Variants in CNPY2 observed in about 807,000 individuals in gnomAD.
CNPY2 encodes the protein protein canopy homolog 2.
In CNPY2, 19 loss-of-function variants were observed where a neutral mutation model predicts 25.5. That is an observed-to-expected ratio of 0.74 (90% CI 0.52 to 1.09). The LOEUF is 1.09. Among genes scored for constraint, CNPY2 ranks in the 50% least tolerant of loss-of-function variants. CNPY2 has a pLI of 0.00. For synonymous variants in CNPY2, 82 were observed against 85.0 expected (o/e 0.96, Z 0.19); for missense variants, 214 against 233.6 (o/e 0.92, Z 0.55).
At chr12:56,310,865 CAG>C in intron 5 of CNPY2, 91 bp downstream of exon 5, 1 of 1,165,988 alleles carries the variant, frequency 8.6e-7, no homozygotes, top group Non-Finnish European at 1.3e-6. Context: ...GACCTAATAC[CAG>C]AGGTTTCTGG....
At chr12:56,314,361 G>T in intron 3 of CNPY2, 1 of 851,734 alleles carries the variant, frequency 1.2e-6, no homozygotes, top group Non-Finnish European at 1.4e-6. Flanking sequence ...TTGTAGAGTT[G>T]GTGTTTTGCC....
Position 56,309,870 on chromosome 12 carries a change from C to A in CNPY2, c.*682G>T. 2 of 701,412 alleles carry A rather than the reference C, an allele frequency of 2.9e-6. No homozygotes were observed. Among genetic ancestry groups the A allele is most frequent in the African/African-American group, 1.7e-5 (1 of 57,354 alleles). The allele number at this position is 701,412 out of a possible 1,614,324, so 43.4% of individuals were successfully genotyped here. ...AGTGATAGATACACTTTATTGTTGC[C>A]ACTGGCATCAAATTTAAAAGCTTAG... On this transcript the variant is annotated 3_prime_UTR_variant, in exon 6 of 6. Coordinates refer to ENST00000273308, the MANE Select transcript of CNPY2 (RefSeq NM_014255.7).
Position 56,311,331 on chromosome 12 carries a change from A to C in CNPY2, c.288T>G (p.Ile96Met). ...CDRMKEYGEQ[I>M]DPSTHRKNYV... ...AGTTCTTGCGATGGGTGGAAGGATC[A>C]ATCTGTTCCCCATACTCCTTCATCC... The change falls in exon 4 of 6, where the codon ATT becomes ATG. Residue 96 changes from isoleucine (I) to methionine (M), a missense_variant. By Grantham distance (10) the Ile-to-Met change is conservative. Coordinates refer to ENST00000273308, the MANE Select transcript of CNPY2 (RefSeq NM_014255.7). 6.2e-7 allele frequency: 1 copy of C among 1,614,122 alleles called. No homozygotes were observed. The highest frequency in any genetic ancestry group is 1.6e-4 in the Middle Eastern group (1 of 6,062).
Position 56,311,020 on chromosome 12 carries a change from A to G in CNPY2, c.443T>C (p.Leu148Pro), listed in dbSNP as rs1200649398. 6.2e-7 allele frequency: 1 copy of G among 1,614,052 alleles called. No homozygotes were observed. The highest frequency in any genetic ancestry group is 8.5e-7 in the Non-Finnish European group (1 of 1,180,058). The stretch of plus-strand genomic sequence containing the variant: ...AGCCTCTCGGGAAAAGAATTCAATG[A>G]GTTCATCCTCGTATTCCTCCACAAT... ...ESIVEEYEDE[L>P]IEFFSREADN... The change falls in exon 5 of 6, where the codon CTC becomes CCC. Residue 148 changes from leucine (L) to proline (P), a missense_variant. Physicochemically the swap from Leu to Pro is moderately conservative, Grantham distance 98 (BLOSUM62 -3). Transcript: ENST00000273308.
intron 3 of CNPY2, among the ~76,000 whole-genome samples, chr12:56,314,271 A>G (rs1410466862): frequency 6.6e-6 from 1 of 152,022 alleles, no homozygotes; most frequent in African/African-American, 2.4e-5. Context: ...CCTGGGCTCA[A>G]GTGATCCTCC....
Position 56,310,796 on chromosome 12 carries a change from CAG to C in CNPY2, c.505+160_505+161del, listed in dbSNP as rs1057155134. ...AGGGGACACAAATTCTGAAAGCTGA[CAG>C]AAAATGTGGAGGAACACCCCAAGTC... On this transcript the variant is annotated intron_variant, in intron 5 of 5. Coordinates refer to ENST00000273308, the MANE Select transcript of CNPY2 (RefSeq NM_014255.7). Among the ~76,000 whole-genome samples the C allele has an allele frequency of 6.6e-4, 101 of 152,256 alleles. 1 individual carries two copies. Among genetic ancestry groups the C allele is most frequent in the African/African-American group, 2.2e-3 (90 of 41,550 alleles).
intron 2 of CNPY2, 65 bp downstream of exon 2, chr12:56,315,065 G>C: frequency 6.3e-7 from 1 of 1,597,528 alleles, no homozygotes; most frequent in South Asian, 1.1e-5. Flanking sequence ...CTTCTCCCAG[G>C]CCTTGGATCT....
rs1383211207 is a variant in CNPY2, at chr12:56,314,957, G to A, written c.98C>T (p.Ala33Val). ...TTCCCATTCTAGTTCATCCACCAGA[G>A]CCCTGCATGCTGGTGGAAGAGGAGA... ...SQDLHCGACR[A>V]LVDELEWEIA... The change falls in exon 3 of 6, where the codon GCT becomes GTT. Residue 33 changes from alanine to valine, a missense_variant. Transcript: ENST00000273308. The A allele has an allele frequency of 6.2e-7, 1 of 1,614,130 alleles. No individual in the cohort carries two copies. Among genetic ancestry groups the A allele is most frequent in the South Asian group, 1.1e-5 (1 of 91,084 alleles).
At chr12:56,311,577 G>A (rs1873718051) in intron 3 of CNPY2, 163 bp from the exon 4 acceptor site, 5 of 793,624 alleles carry the variant, frequency 6.3e-6, no homozygotes, top group Admixed American at 4.1e-5. Context: ...TTGAGATGGG[G>A]TTTTGCTCTT....
At position 56,310,472 on chromosome 12, in the gene CNPY2, A is replaced by T. The variant is rs1289553675; in HGVS notation, c.*80T>A. ...ATTTTTTCAGTTAATTTCAGTAAAA[A>T]CATAATATATAAAAGGCATTGCCAC... is the stretch of plus-strand genomic sequence containing the variant. On this transcript the variant is annotated 3_prime_UTR_variant, in exon 6 of 6. Coordinates refer to ENST00000273308, the MANE Select transcript of CNPY2 (RefSeq NM_014255.7). 2.2e-6 allele frequency: 3 copies of T among 1,389,206 alleles called. No individual in the cohort carries two copies. Among genetic ancestry groups the T allele is most frequent in the African/African-American group, 2.9e-5 (2 of 69,936 alleles). 86.1% of individuals were successfully genotyped at this position (1,389,206 alleles called of 1,614,324 possible). A position where few individuals can be genotyped will look rare whatever the true frequency, so the allele number is the denominator to read the frequency against.
rs933004575 is a variant in CNPY2, at chr12:56,309,986, A to G, written c.*566T>C. On this transcript the variant is annotated 3_prime_UTR_variant, in exon 6 of 6. Coordinates refer to ENST00000273308, the MANE Select transcript of CNPY2 (RefSeq NM_014255.7). ...CTTACTTTTCAGCTGAGTTGGTCAC[A>G]TCCATTTTCCCCTTCCTGTCTCTGT... 17 of 702,232 alleles carry G rather than the reference A, an allele frequency of 2.4e-5. No individual in the cohort carries two copies. Among genetic ancestry groups the G allele is most frequent in the Non-Finnish European group, 3.9e-5 (15 of 384,848 alleles). The allele number at this position is 702,232 out of a possible 1,614,324, so 43.5% of individuals were successfully genotyped here. A position where few individuals can be genotyped will look rare whatever the true frequency, so the allele number is the denominator to read the frequency against.
chr12:56,314,682 A>C, intron 3 of CNPY2, 169 bp downstream of exon 3: 1 of 1,464,704 alleles, frequency 6.8e-7, no homozygotes, highest in Non-Finnish European at 9.0e-7. Context: ...GCAGCCAGGA[A>C]GCAAGTGCAT....
At chr12:56,314,336 A>C (rs1873814743) in intron 3 of CNPY2, 1 of 650,742 alleles carries the variant, frequency 1.5e-6, no homozygotes, top group African/African-American at 2.0e-5. Context: ...ATGCACTGCT[A>C]ACTTTTGCAT....
At chr12:56,315,088 AG>A in intron 2 of CNPY2, 41 bp downstream of exon 2, 4 of 1,606,278 alleles carry the variant, frequency 2.5e-6, no homozygotes, top group Non-Finnish European at 2.6e-6. Flanking sequence ...TGCCCTCCCA[AG>A]GCTCTGCTTC....
rs1273469448 is a variant in CNPY2 at position 56,315,246 on chromosome 12, G to C, written c.-25-4C>G. 8 of 1,555,668 alleles carry C rather than the reference G, an allele frequency of 5.1e-6. No individual in the cohort carries two copies. The highest frequency in any genetic ancestry group is 7.1e-6 in the Non-Finnish European group (8 of 1,129,254). On this transcript the variant is annotated splice_region_variant and splice_polypyrimidine_tract_variant and intron_variant, in intron 1 of 5. Coordinates refer to ENST00000273308, the MANE Select transcript of CNPY2 (RefSeq NM_014255.7). Reference sequence around the variant, plus strand: ...TAGCGTAATGGGGTCGCTCCACCTGGGTTTGAGTGGGAATAAAACATAAGT... The same window carrying C: ...TAGCGTAATGGGGTCGCTCCACCTGCGTTTGAGTGGGAATAAAACATAAGT...
intron 1 of CNPY2, 62 bp from the exon 2 acceptor site, chr12:56,315,304 C>T: frequency 1.0e-6 from 1 of 960,984 alleles, no homozygotes; most frequent in Non-Finnish European, 1.6e-6. Context: ...CCCTGACCCC[C>T]CCAATCCTCA....
intron 3 of CNPY2, 38 bp downstream of exon 3, chr12:56,314,813 G>C (rs1356201377): frequency 6.2e-7 from 1 of 1,614,074 alleles, no homozygotes; most frequent in African/African-American, 1.3e-5. Flanking sequence ...TCCAAAGCCA[G>C]AGTGAGCTAC....
At chr12:56,316,222 T>C (rs1404520472), upstream of CNPY2, 1 of 152,654 alleles carries the variant, frequency 6.6e-6, no homozygotes, top group African/African-American at 2.4e-5. Flanking sequence ...GGAGTGGCCT[T>C]AAGCGACGAC....
At chr12:56,311,112 C>T in intron 4 of CNPY2, 58 bp from the exon 5 acceptor site, 1 of 1,603,894 alleles carries the variant, frequency 6.2e-7, no homozygotes, top group Non-Finnish European at 8.5e-7. Context: ...CTTGCCTTCA[C>T]TTCCAAAGAG....
Sources: allele counts gnomAD v4.1 joint callset (sites outside exome capture counted in the v4.1 genomes callset), GRCh38; gene constraint gnomAD v4.1.1; transcripts MANE v1.5; gene names NCBI Gene and HGNC (gene_info 2026-07-23, HGNC 2026-07-21).